The following EPHA3 variants were observed in gnomAD, a reference collection of about 807,000 sequenced individuals.
EPHA3 encodes EPH receptor A3.
In EPHA3, 42 loss-of-function variants were observed where a neutral mutation model predicts 107.1. The ratio of observed to expected loss-of-function variants is 0.39; its 90% CI spans 0.31 to 0.51. The LOEUF (loss-of-function observed/expected upper bound fraction) is 0.51. EPHA3 is among the 20% of genes least tolerant of loss of function. The pLI is 0.78. For missense variants in EPHA3, 1,183 were observed against 1,211.2 expected, an observed-to-expected ratio of 0.98 and a Z score of 0.35; for synonymous variants, 461 against 424.8, an observed-to-expected ratio of 1.09 and a Z score of -1.05.
chr3:89,352,293 G>A (rs999760974), intron 5 of EPHA3, among the ~76,000 whole-genome samples: 1 of 150,960 alleles, frequency 6.6e-6, no homozygotes, highest in African/African-American at 2.4e-5. Context: ...TTACATGAAG[G>A]GATTAAACTG....
intron 2 of EPHA3, among the ~76,000 whole-genome samples, chr3:89,166,845 G>A (rs1705083053): frequency 6.6e-6 from 1 of 152,106 alleles, no homozygotes; most frequent in Non-Finnish European, 1.5e-5. Context: ...TTCTTTGAAA[G>A]CATCAGTTAA....
intron 2 of EPHA3, among the ~76,000 whole-genome samples, chr3:89,139,240 T>A (rs1301184559): frequency 2.0e-5 from 3 of 151,872 alleles, no homozygotes; most frequent in African/African-American, 7.2e-5. Context: ...GGATGGTCTA[T>A]ACTTGGATAC....
chr3:89,223,390 T>G (rs916642083), intron 3 of EPHA3, among the ~76,000 whole-genome samples: 5 of 152,172 alleles, frequency 3.3e-5, no homozygotes, highest in African/African-American at 1.2e-4. Flanking sequence ...TGCTTTTTAT[T>G]AAGCACAGTA....
In EPHA3 at chr3:89,340,900, G is replaced by C; in HGVS notation, c.815-16G>C. The C allele has an allele frequency of 6.3e-7, 1 of 1,586,834 alleles. No individual in the cohort carries two copies. Among genetic ancestry groups the C allele is most frequent in the Non-Finnish European group, 8.6e-7 (1 of 1,169,500 alleles). ...AATTATCACAGACTTTTAAAAGAGA[G>C]TCATTTTGTTTGTAGCTTGTCGACC... On this transcript the variant is annotated splice_polypyrimidine_tract_variant and intron_variant, in intron 3 of 16. Coordinates refer to ENST00000336596, the MANE Select transcript of EPHA3 (RefSeq NM_005233.6).
At chr3:89,135,849 A>C (rs1704299108) in intron 2 of EPHA3, among the ~76,000 whole-genome samples, 1 of 152,024 alleles carries the variant, frequency 6.6e-6, no homozygotes, top group African/African-American at 2.4e-5. Flanking sequence ...CTGTAAATAA[A>C]TCCAGTTGAG....
intron 7 of EPHA3, among the ~76,000 whole-genome samples, chr3:89,403,107 G>A (rs1428752802): frequency 6.6e-6 from 1 of 152,134 alleles, no homozygotes; most frequent in Admixed American, 6.5e-5. Flanking sequence ...AGAGATGGAG[G>A]CAGAGCAGAG....
intron 2 of EPHA3, among the ~76,000 whole-genome samples, chr3:89,148,982 G>A (rs1488859893): frequency 1.3e-5 from 2 of 151,894 alleles, no homozygotes; most frequent in South Asian, 2.1e-4. Context: ...TGAGAATACC[G>A]AGTCAGAGAA....
At chr3:89,109,971 G>A (rs1466301307) in intron 1 of EPHA3, among the ~76,000 whole-genome samples, 1 of 151,952 alleles carries the variant, frequency 6.6e-6, no homozygotes, top group African/African-American at 2.4e-5. Flanking sequence ...ATTATCCATA[G>A]CTGGGCTCTC....
At chr3:89,395,740 A>C (rs1425300599) in intron 5 of EPHA3, 97 bp from the exon 6 acceptor site, 7 of 1,425,472 alleles carry the variant, frequency 4.9e-6, no homozygotes, top group Admixed American at 1.9e-5. Context: ...GATAGACTCC[A>C]TTTGCATGTT....
chr3:89,396,067 C>T, intron 6 of EPHA3, 106 bp downstream of exon 6: 1 of 1,488,506 alleles, frequency 6.7e-7, no homozygotes, highest in African/African-American at 1.4e-5. Context: ...AATGGTAGAG[C>T]ACTGTTTAGA....
chr3:89,431,754 A>G (rs886882876), intron 13 of EPHA3, among the ~76,000 whole-genome samples: 5 of 152,132 alleles, frequency 3.3e-5, no homozygotes, highest in Non-Finnish European at 5.9e-5. Context: ...ATTTTTTAAT[A>G]AGTAATACCT....
At chr3:89,400,453 G>T (rs1471968848) in intron 7 of EPHA3, 9 of 152,292 alleles carry the variant, frequency 5.9e-5, no homozygotes, top group Non-Finnish European at 7.3e-5. Context: ...AGCCAGGATG[G>T]TCTTGATCTC....
At chr3:89,321,551 A>T (rs942140840) in intron 3 of EPHA3, among the ~76,000 whole-genome samples, 1 of 152,192 alleles carries the variant, frequency 6.6e-6, no homozygotes, top group South Asian at 2.1e-4. Flanking sequence ...TCTCCTTCTC[A>T]TTTGCTGATT....
chr3:89,244,494 C>A (rs558261642), intron 3 of EPHA3, among the ~76,000 whole-genome samples: 2 of 151,894 alleles, frequency 1.3e-5, no homozygotes, highest in African/African-American at 4.8e-5. Context: ...TTTATACTAT[C>A]CATTAAATTT....
intron 3 of EPHA3, among the ~76,000 whole-genome samples, chr3:89,322,953 A>G (rs746976957): frequency 2.6e-5 from 4 of 152,128 alleles, no homozygotes; most frequent in East Asian, 1.9e-4. Flanking sequence ...GACTTGCCAT[A>G]TATCTATTAA....
chr3:89,216,327 G>C (rs1276957012), intron 3 of EPHA3, among the ~76,000 whole-genome samples: 1 of 151,940 alleles, frequency 6.6e-6, no homozygotes, highest in Non-Finnish European at 1.5e-5. Flanking sequence ...ATAGAACATT[G>C]CTTTGTAGAC....
At chr3:89,441,819 C>T (rs539509143) in intron 13 of EPHA3, among the ~76,000 whole-genome samples, 14 of 152,260 alleles carry the variant, frequency 9.2e-5, no homozygotes, top group African/African-American at 3.4e-4. Context: ...TTGATAGTCT[C>T]AGAACTACAG....
intron 6 of EPHA3, 44 bp downstream of exon 6, chr3:89,396,005 C>T (rs146011628): frequency 0.015 from 23,517 of 1,605,536 alleles, 322 homozygotes; most frequent in Non-Finnish European, 0.015. Context: ...AGGCAAGAAG[C>T]TGTTTCCTCA....
chr3:89,447,421 CA>C (rs1709895901), intron 13 of EPHA3, among the ~76,000 whole-genome samples: 1 of 152,100 alleles, frequency 6.6e-6, no homozygotes, highest in Non-Finnish European at 1.5e-5. Flanking sequence ...TCTACCTTTT[CA>C]AAGAGCTTCT....
Sources: allele counts gnomAD v4.1 joint callset (sites outside exome capture counted in the v4.1 genomes callset), GRCh38; gene constraint gnomAD v4.1.1; transcripts MANE v1.5; gene names NCBI Gene and HGNC (gene_info 2026-07-23, HGNC 2026-07-21).